The following PRNP variants were observed in gnomAD, a reference collection of about 807,000 sequenced individuals.
PRNP encodes prion protein (Kanno blood group).
Under a neutral mutation model 21.3 loss-of-function variants are expected in PRNP, and 15 were observed. The observed-to-expected ratio is 0.71, with a 90% CI of 0.47 to 1.09. The LOEUF is 1.09. Among genes scored for constraint, PRNP ranks in the 50% least tolerant of loss-of-function variants. The probability of loss-of-function intolerance (pLI) is 0.00; values close to 1 mark genes in which losing one functional copy is unlikely to be tolerated. For synonymous variants in PRNP, 121 were observed against 123.1 expected (o/e 0.98, Z 0.11); for missense variants, 285 against 340.9 (o/e 0.84, Z 1.29).
chr20:4,696,934 A>G (rs1922206765), intron 1 of PRNP, among the ~76,000 whole-genome samples: 1 of 152,082 alleles, frequency 6.6e-6, no homozygotes, highest in Non-Finnish European at 1.5e-5. Flanking sequence ...TCGCCTGTTC[A>G]GGTGTCTCTA....
rs11538768 is a variant in PRNP at position 4,699,639 on chromosome 20, A to T, written c.419A>T (p.His140Leu). The T allele has an allele frequency of 6.2e-7, 1 of 1,614,020 alleles. No individual in the cohort carries two copies. The highest frequency in any genetic ancestry group is 8.5e-7 in the Non-Finnish European group (1 of 1,179,996). ...LGSAMSRPII[H>L]FGSDYEDRYY... ...AGTGCCATGAGCAGGCCCATCATACATTTCGGCAGTGACTATGAGGACCGT... is the reference window on the plus strand; with the variant it reads ...AGTGCCATGAGCAGGCCCATCATACTTTTCGGCAGTGACTATGAGGACCGT... Residue 140 changes from histidine (H) to leucine (L), a missense_variant, in exon 2 of 2, where the codon CAT (histidine) becomes CTT (leucine). Coordinates refer to ENST00000379440, the MANE Select transcript of PRNP (RefSeq NM_000311.5). This position sits in a 1 kb window ranked among gnomAD's most constrained non-coding sequence, Gnocchi z 5.8.
At chr20:4,692,132 C>T (rs1218697272) in intron 1 of PRNP, among the ~76,000 whole-genome samples, 1 of 152,214 alleles carries the variant, frequency 6.6e-6, no homozygotes, top group African/African-American at 2.4e-5. Context: ...TTGCTGGTGA[C>T]TTGGTATCTT....
chr20:4,690,166 C>T (rs1844748293), intron 1 of PRNP, among the ~76,000 whole-genome samples: 2 of 152,132 alleles, frequency 1.3e-5, no homozygotes, highest in Admixed American at 1.3e-4. Context: ...TTTCAGCTTA[C>T]ATCAAGTTCT....
chr20:4,699,064 C>G lies in PRNP; in HGVS notation c.-10-147C>G. On this transcript the variant is annotated intron_variant, in intron 1 of 1. Coordinates refer to ENST00000379440, the MANE Select transcript of PRNP (RefSeq NM_000311.5). This position sits in a 1 kb window ranked among gnomAD's most constrained non-coding sequence, Gnocchi z 5.8. ...ACCCTTTTCTTACTTTTGCTTTTGT[C>G]CTAAGTGCTTCAGAGAAGTACAGGG... The G allele has an allele frequency of 1.0e-6, 1 of 961,256 alleles. No individual in the cohort carries two copies. The highest frequency in any genetic ancestry group is 1.6e-6 in the Non-Finnish European group (1 of 619,416). 59.5% of individuals were successfully genotyped at this position (961,256 alleles called of 1,614,324 possible).
At chr20:4,687,365 C>T (rs1921534345) in intron 1 of PRNP, among the ~76,000 whole-genome samples, 1 of 152,194 alleles carries the variant, frequency 6.6e-6, no homozygotes, top group Non-Finnish European at 1.5e-5. Context: ...CGGACCCCAG[C>T]TTGGCCAGTC....
At position 4,686,675 on chromosome 20, in the gene PRNP, C is replaced by T. The variant is rs1263604671; in HGVS notation, c.-11+163C>T. The T allele has an allele frequency of 6.6e-6, 1 of 152,238 alleles. No individual in the cohort carries two copies. Among genetic ancestry groups the T allele is most frequent in the Non-Finnish European group, 1.5e-5 (1 of 68,236 alleles). 9.4% of individuals were successfully genotyped at this position (152,238 alleles called of 1,614,324 possible). ...GCTGCCCCGCGGGCGCGTGACGCGT[C>T]TCGGGCCTGCCCGGCTGCGCTGGTC... is the stretch of plus-strand genomic sequence containing the variant. On this transcript the variant is annotated intron_variant, in intron 1 of 1. Coordinates refer to ENST00000379440, the MANE Select transcript of PRNP (RefSeq NM_000311.5). The surrounding 1 kb of genome is among the most constrained non-coding windows in gnomAD (Gnocchi z 6.7).
At position 4,699,341 on chromosome 20, in the gene PRNP, C is replaced by T. The variant is rs1224211901; in HGVS notation, c.121C>T (p.Gln41Ter). Reference protein sequence around the residue: ...WNTGGSRYPGQGSPGGNRYPP... With the variant: ...WNTGGSRYPG ...CACTGGGGGCAGCCGATACCCGGGG[C>T]AGGGCAGCCCTGGAGGCAACCGCTA... The change falls in exon 2 of 2, where the codon CAG becomes TAG. Residue 41 changes from glutamine to a stop codon, truncating the protein, a stop_gained. Coordinates refer to ENST00000379440, the MANE Select transcript of PRNP (RefSeq NM_000311.5). LOFTEE classifies it high-confidence loss of function. The surrounding 1 kb of genome is among the most constrained non-coding windows in gnomAD (Gnocchi z 5.8). 6.2e-7 allele frequency: 1 copy of T among 1,613,658 alleles called. No homozygotes were observed. The highest frequency in any genetic ancestry group is 1.7e-5 in the Admixed American group (1 of 59,996).
intron 1 of PRNP, among the ~76,000 whole-genome samples, chr20:4,694,614 C>T (rs2756268): frequency 0.045 from 6,876 of 152,038 alleles, 457 homozygotes; most frequent in African/African-American, 0.15. Flanking sequence ...TTTAGAAATT[C>T]CACATTTTTG....
intron 1 of PRNP, among the ~76,000 whole-genome samples, chr20:4,693,211 G>T (rs146091098): frequency 4.6e-5 from 7 of 152,094 alleles, no homozygotes; most frequent in African/African-American, 1.7e-4. Context: ...TGTAAAATAT[G>T]TCTCATTTAT....
intron 1 of PRNP, among the ~76,000 whole-genome samples, chr20:4,690,558 C>G (rs1284492852): frequency 2.0e-5 from 3 of 152,196 alleles, no homozygotes; most frequent in African/African-American, 7.2e-5. Flanking sequence ...ACTCTGACAC[C>G]TGGCAGGTCA....
chr20:4,688,715 A>G lies in PRNP; in HGVS notation c.-11+2203A>G, dbSNP rs533353129. On this transcript the variant is annotated intron_variant, in intron 1 of 1. Coordinates refer to ENST00000379440, the MANE Select transcript of PRNP (RefSeq NM_000311.5). Reference sequence around the variant, plus strand: ...AAAAATCATGATTTTGGAGCCTGTGATATGTGGGGAAAAACTGACAAGTAA... The same window carrying G: ...AAAAATCATGATTTTGGAGCCTGTGGTATGTGGGGAAAAACTGACAAGTAA... Among the ~76,000 whole-genome samples the G allele has an allele frequency of 1.5e-4, 23 of 152,366 alleles. No individual in the cohort carries two copies. The East Asian group carries it at 3.9e-3, about 26-fold the overall frequency.
intron 1 of PRNP, among the ~76,000 whole-genome samples, chr20:4,687,235 C>A (rs1008934941): frequency 6.6e-6 from 1 of 151,418 alleles, no homozygotes; most frequent in South Asian, 2.1e-4. Context: ...CGCGGACTGA[C>A]GGGCGGGGGC....
intron 1 of PRNP, among the ~76,000 whole-genome samples, chr20:4,693,553 T>C (rs907541236): frequency 3.8e-4 from 58 of 152,258 alleles, no homozygotes; most frequent in African/African-American, 1.3e-3. Flanking sequence ...TTTCTCTCTG[T>C]GGACCATGAG....
intron 1 of PRNP, among the ~76,000 whole-genome samples, chr20:4,690,296 AT>A (rs1268157506): frequency 6.6e-6 from 1 of 152,178 alleles, no homozygotes; most frequent in Non-Finnish European, 1.5e-5. Context: ...GATGTAACTA[AT>A]TAAGCTTCAA....
Position 4,699,334 on chromosome 20 carries a change from C to T in PRNP, c.114C>T (p.Tyr38=). The T allele has an allele frequency of 6.2e-7, 1 of 1,613,844 alleles. No individual in the cohort carries two copies. The highest frequency in any genetic ancestry group is 8.5e-7 in the Non-Finnish European group (1 of 1,179,960). Reference sequence around the variant, plus strand: ...GATGGAACACTGGGGGCAGCCGATACCCGGGGCAGGGCAGCCCTGGAGGCA... The same window carrying T: ...GATGGAACACTGGGGGCAGCCGATATCCGGGGCAGGGCAGCCCTGGAGGCA... ...PGGWNTGGSR[Y]PGQGSPGGNR... is the part of the protein sequence containing the mutation. The change falls in exon 2 of 2, where the codon TAC becomes TAT. Residue 38 remains tyrosine (Y), a synonymous_variant. Transcript: ENST00000379440. The surrounding 1 kb of genome is among the most constrained non-coding windows in gnomAD (Gnocchi z 5.8).
At position 4,697,850 on chromosome 20, in the gene PRNP, A is replaced by C. The variant is rs73603214; in HGVS notation, c.-10-1361A>C. On this transcript the variant is annotated intron_variant, in intron 1 of 1. Transcript: ENST00000379440. This position sits in a 1 kb window ranked among gnomAD's most constrained non-coding sequence, Gnocchi z 4.6. ...CGAATAAGATGGTCATGTTGGAAAA[A>C]TTGAGAAGCTGAGGTGCTTAGCATT... Among the ~76,000 whole-genome samples, 779 of 152,260 alleles carry C rather than the reference A, an allele frequency of 5.1e-3. 2 individuals carry two copies. The highest frequency in any genetic ancestry group is 0.017 in the African/African-American group (722 of 41,534).
Position 4,699,128 on chromosome 20 carries a change from T to C in PRNP, c.-10-83T>C. On this transcript the variant is annotated intron_variant, in intron 1 of 1. Transcript: ENST00000379440. This position sits in a 1 kb window ranked among gnomAD's most constrained non-coding sequence, Gnocchi z 5.8. ...TCTACTGAGCAGCTGATACCATTGC[T>C]ATGCACTCATTCATTATGCAGGAAA... 4 of 1,506,124 alleles carry C rather than the reference T, an allele frequency of 2.7e-6. No individual in the cohort carries two copies. The highest frequency in any genetic ancestry group is 1.7e-4 in the Middle Eastern group (1 of 5,880). The allele number at this position is 1,506,124 out of a possible 1,614,324, so 93.3% of individuals were successfully genotyped here. A position where few individuals can be genotyped will look rare whatever the true frequency, so the allele number is the denominator to read the frequency against.
At chr20:4,688,582 G>C (rs1257752171) in intron 1 of PRNP, among the ~76,000 whole-genome samples, 1 of 152,146 alleles carries the variant, frequency 6.6e-6, no homozygotes, top group Non-Finnish European at 1.5e-5. Context: ...ATTCCTAGCA[G>C]AATGATCTAA....
Position 4,686,984 on chromosome 20 carries a change from G to T in PRNP, c.-11+472G>T, listed in dbSNP as rs1173833702. 1.3e-5 allele frequency among the ~76,000 whole-genome samples: 2 copies of T among 151,846 alleles called. No homozygotes were observed. Among genetic ancestry groups the T allele is most frequent in the Non-Finnish European group, 2.9e-5 (2 of 67,912 alleles). Reference sequence around the variant, plus strand: ...CCCGCCCGTTGGCCGCCCCTCGGAGGCCGAGATCGGGGCCCAGAACGCCCC... The same window carrying T: ...CCCGCCCGTTGGCCGCCCCTCGGAGTCCGAGATCGGGGCCCAGAACGCCCC... On this transcript the variant is annotated intron_variant, in intron 1 of 1. Coordinates refer to ENST00000379440, the MANE Select transcript of PRNP (RefSeq NM_000311.5). The surrounding 1 kb of genome is among the most constrained non-coding windows in gnomAD (Gnocchi z 6.7).
Sources: gnomAD v4.1 joint callset for allele counts (sites outside exome capture counted in the v4.1 genomes callset) on GRCh38, gnomAD v4.1.1 for gene constraint, Gnocchi (gnomAD v3.1) non-coding constraint, MANE v1.5 for transcripts, NCBI Gene and HGNC (gene_info 2026-07-23, HGNC 2026-07-21) for gene names.